The following DNM2 variants were observed in gnomAD, a reference collection of about 807,000 sequenced individuals.
The protein encoded by DNM2 is dynamin-2.
In DNM2, 15 loss-of-function variants were observed where a neutral mutation model predicts 99.0. The observed-to-expected ratio is 0.15, with a 90% CI of 0.10 to 0.23. The LOEUF (loss-of-function observed/expected upper bound fraction) is 0.23, where lower values mean the gene tolerates loss of function less well. Among genes scored for constraint, DNM2 ranks in the 10% least tolerant of loss-of-function variants. DNM2 has a pLI of 1.00. For missense variants in DNM2, 742 were observed against 1,189.4 expected, an observed-to-expected ratio of 0.62 and a Z score of 5.53; for synonymous variants, 525 against 481.2, an observed-to-expected ratio of 1.09 and a Z score of -1.19.
intron 1 of DNM2, among the ~76,000 whole-genome samples, chr19:10,756,528 C>T (rs529682688): frequency 6.6e-6 from 1 of 152,170 alleles, no homozygotes; most frequent in South Asian, 2.1e-4. Flanking sequence ...CAGGCATCAG[C>T]TTGAACTGGG....
At chr19:10,761,886 G>A (rs1450372770) in intron 2 of DNM2, among the ~76,000 whole-genome samples, 2 of 152,172 alleles carry the variant, frequency 1.3e-5, no homozygotes, top group Non-Finnish European at 2.9e-5. Context: ...GTACGCCACC[G>A]ATGGGCCAAT....
intron 5 of DNM2, chr19:10,781,518 C>A (rs1268628646): frequency 6.6e-6 from 1 of 152,300 alleles, no homozygotes. Flanking sequence ...CACTGTGGCT[C>A]ACGCCTGTAA....
intron 1 of DNM2, among the ~76,000 whole-genome samples, chr19:10,748,605 C>T (rs1046257706): frequency 1.5e-4 from 23 of 152,280 alleles, no homozygotes; most frequent in South Asian, 6.2e-4. Flanking sequence ...TCCAACAGAG[C>T]GACAGAGAAG....
chr19:10,775,007 G>C lies in DNM2; in HGVS notation c.386-696G>C, dbSNP rs186654566. Reference sequence around the variant, plus strand: ...GCTGGTTTCGAACTCCTGAGCTCAAGTGATCTACCCATCATGGCCTCCCAA... The same window carrying C: ...GCTGGTTTCGAACTCCTGAGCTCAACTGATCTACCCATCATGGCCTCCCAA... On this transcript the variant is annotated intron_variant, in intron 3 of 20. Transcript: ENST00000389253. This position sits in a 1 kb window ranked among gnomAD's most constrained non-coding sequence, Gnocchi z 4.3. 1.4e-4 allele frequency among the ~76,000 whole-genome samples: 21 copies of C among 152,182 alleles called. No individual in the cohort carries two copies. Among genetic ancestry groups the C allele is most frequent in the Admixed American group, 1.4e-3 (21 of 15,278 alleles).
Position 10,815,449 on chromosome 19 carries a change from C to G in DNM2, c.1671+3072C>G, listed in dbSNP as rs569437002. On this transcript the variant is annotated intron_variant, in intron 15 of 20. Transcript: ENST00000389253. Reference sequence around the variant, plus strand: ...CCCACCTATAAAGTCAGGACTCTGGCCTGTCCCCTCTGGACTGCGGGAACC... The same window carrying G: ...CCCACCTATAAAGTCAGGACTCTGGGCTGTCCCCTCTGGACTGCGGGAACC... Among the ~76,000 whole-genome samples the G allele has an allele frequency of 5.9e-5, 9 of 152,338 alleles. No homozygotes were observed. In the South Asian group the frequency reaches 1.9e-3, roughly 32 times the overall value.
chr19:10,785,415 T>G (rs1343019826), intron 6 of DNM2, among the ~76,000 whole-genome samples: 2 of 152,072 alleles, frequency 1.3e-5, no homozygotes, highest in African/African-American at 2.4e-5. Context: ...TGTGAGCCAC[T>G]GCCCCCGGCC....
In DNM2 at chr19:10,765,136, G is replaced by T. The variant is rs923867738; in HGVS notation, c.235+5325G>T. 2.6e-5 allele frequency among the ~76,000 whole-genome samples: 4 copies of T among 151,508 alleles called. No individual in the cohort carries two copies. Among genetic ancestry groups the T allele is most frequent in the African/African-American group, 9.7e-5 (4 of 41,242 alleles). ...CCTCGCCCGGCTAATTTTTTTGTATGCTTAGTAGAGACGGGGTTTCACCGT... is the reference window on the plus strand; with the variant it reads ...CCTCGCCCGGCTAATTTTTTTGTATTCTTAGTAGAGACGGGGTTTCACCGT... On this transcript the variant is annotated intron_variant, in intron 2 of 20. Coordinates refer to ENST00000389253, the MANE Select transcript of DNM2 (RefSeq NM_001005361.3). This position sits in a 1 kb window ranked among gnomAD's most constrained non-coding sequence, Gnocchi z 4.4.
chr19:10,795,899 G>C lies in DNM2; in HGVS notation c.1196+460G>C, dbSNP rs543386339. 129 of 1,214,726 alleles carry C rather than the reference G, an allele frequency of 1.1e-4. 1 individual carries two copies. In the East Asian group the frequency reaches 3.0e-3, roughly 28 times the overall value. 75.2% of individuals were successfully genotyped at this position (1,214,726 alleles called of 1,614,324 possible). ...CCTTCCATCGCCGTGGGGTCCTCGG[G>C]TCACCCTGAGGGTTTCCGGGCAGTG... On this transcript the variant is annotated intron_variant, in intron 9 of 20. Transcript: ENST00000389253. This position sits in a 1 kb window ranked among gnomAD's most constrained non-coding sequence, Gnocchi z 4.2.
At position 10,811,944 on chromosome 19, in the gene DNM2, T is replaced by G. The variant is rs1302758872; in HGVS notation, c.1558-320T>G. ...AGTGCAGTTCCTCAGATGTCACATTTCATGTGCCACAGCCCCACACACAAG... is the reference window on the plus strand; with the variant it reads ...AGTGCAGTTCCTCAGATGTCACATTGCATGTGCCACAGCCCCACACACAAG... On this transcript the variant is annotated intron_variant, in intron 14 of 20. Coordinates refer to ENST00000389253, the MANE Select transcript of DNM2 (RefSeq NM_001005361.3). This position sits in a 1 kb window ranked among gnomAD's most constrained non-coding sequence, Gnocchi z 5.4. 6.5e-6 allele frequency: 3 copies of G among 458,476 alleles called. No individual in the cohort carries two copies. Among genetic ancestry groups the G allele is most frequent in the Non-Finnish European group, 1.3e-5 (3 of 229,558 alleles). 28.4% of individuals were successfully genotyped at this position (458,476 alleles called of 1,614,324 possible).
intron 1 of DNM2, chr19:10,718,789 T>C (rs562647593): frequency 1.6e-4 from 27 of 164,472 alleles, no homozygotes; most frequent in African/African-American, 5.5e-4. Context: ...TAGATATCTA[T>C]TGGGGCGACC....
At chr19:10,785,358 A>G (rs1238024997) in intron 6 of DNM2, among the ~76,000 whole-genome samples, 2 of 144,302 alleles carry the variant, frequency 1.4e-5, no homozygotes, top group East Asian at 2.1e-4. Context: ...TGATCTCTTG[A>G]CCTCATGATC....
Position 10,783,099 on chromosome 19 carries a change from T to G in DNM2, c.828T>G (p.His276Gln). Residue 276 changes from histidine (H) to glutamine (Q), a missense_variant, in exon 6 of 21, where the codon CAT becomes CAG. This residue lies in a region of DNM2 where 192 missense variants were observed against 358.9 expected (regional missense o/e 0.54). Transcript: ENST00000389253. ...TGGCCGACCGCATGGGCACGCCACA[T>G]CTGCAGAAGACGCTGAATCAGGTAC... is the stretch of plus-strand genomic sequence containing the variant. ...RHMADRMGTP[H>Q]LQKTLNQQLT... 2 of 1,612,880 alleles carry G rather than the reference T, an allele frequency of 1.2e-6. No homozygotes were observed. The highest frequency in any genetic ancestry group is 1.7e-6 in the Non-Finnish European group (2 of 1,180,040).
intron 2 of DNM2, among the ~76,000 whole-genome samples, chr19:10,768,372 T>C (rs944847618): frequency 6.6e-6 from 1 of 152,098 alleles, no homozygotes; most frequent in African/African-American, 2.4e-5. Context: ...GAGAATGGCA[T>C]GAACCCAGGA....
intron 1 of DNM2, 41 bp downstream of exon 1, chr19:10,718,444 A>G (rs966619901): frequency 1.0e-5 from 14 of 1,359,126 alleles, no homozygotes; most frequent in Admixed American, 7.2e-5. Flanking sequence ...GTGGCGGCCT[A>G]GGGCGCGGAG....
chr19:10,824,813 A>C, intron 17 of DNM2: 1 of 569,786 alleles, frequency 1.8e-6, no homozygotes, highest in Admixed American at 3.1e-5. Flanking sequence ...TGTCAAAAAA[A>C]AACAAAACAA....
At chr19:10,723,616 G>A (rs2069014832) in intron 1 of DNM2, among the ~76,000 whole-genome samples, 1 of 152,184 alleles carries the variant, frequency 6.6e-6, no homozygotes, top group Non-Finnish European at 1.5e-5. Flanking sequence ...TCCCTTTCTT[G>A]AATAGGGATT....
chr19:10,735,396 A>G (rs1373729727), intron 1 of DNM2, among the ~76,000 whole-genome samples: 1 of 152,228 alleles, frequency 6.6e-6, no homozygotes, highest in African/African-American at 2.4e-5. Context: ...AATTATTGAC[A>G]GTGATAACTG....
rs2071980086 is a variant in DNM2 at position 10,797,504 on chromosome 19, A to C, written c.1321A>C (p.Lys441Gln). 5 of 1,612,864 alleles carry C rather than the reference A, an allele frequency of 3.1e-6. No individual in the cohort carries two copies. The highest frequency in any genetic ancestry group is 4.2e-6 in the Non-Finnish European group (5 of 1,179,262). ...CTCAGAGCTGGCCACGGTCATAAAA[A>C]AGTGTGCCGAGAAGGTAACAGGTTT... The part of the protein sequence containing the change: ...VVSELATVIK[K>Q]CAEKLSSYPR... Residue 441 changes from lysine to glutamine, a missense_variant, in exon 10 of 21, where the codon AAG (lysine) becomes CAG (glutamine). By Grantham distance (53) the Lys-to-Gln change is moderately conservative. Transcript: ENST00000389253.
Position 10,831,877 on chromosome 19 carries a change from TA to T in DNM2, c.*834del, listed in dbSNP as rs1387801208. The T allele has an allele frequency of 2.0e-6, 2 of 1,024,216 alleles. No individual in the cohort carries two copies. The highest frequency in any genetic ancestry group is 3.4e-5 in the African/African-American group (2 of 58,046). 63.4% of individuals were successfully genotyped at this position (1,024,216 alleles called of 1,614,324 possible). ...TGCACTCTGTATTCTATTAATAAAC[TA>T]AAATAAAGGGAAGACGCTGCTGGTG... On this transcript the variant is annotated 3_prime_UTR_variant, in exon 21 of 21. Transcript: ENST00000389253. This position sits in a 1 kb window ranked among gnomAD's most constrained non-coding sequence, Gnocchi z 4.3.
Sources: allele counts gnomAD v4.1 joint callset (sites outside exome capture counted in the v4.1 genomes callset), GRCh38; gene constraint gnomAD v4.1.1; regional missense constraint gnomAD v4.1.1; non-coding constraint Gnocchi (gnomAD v3.1); transcripts MANE v1.5; gene names NCBI Gene and HGNC (gene_info 2026-07-23, HGNC 2026-07-21).